Variants in RIMS1 observed in about 807,000 individuals in gnomAD.
The protein encoded by RIMS1 is regulating synaptic membrane exocytosis protein 1.
A neutral mutation model predicts 214.1 loss-of-function variants in RIMS1; 83 were observed. The observed-to-expected ratio is 0.39, with a 90% CI of 0.32 to 0.47. The LOEUF is 0.47. RIMS1 is among the 20% of genes least tolerant of loss of function. The pLI, the probability that RIMS1 is intolerant of heterozygous loss-of-function variation, is 0.99. For synonymous variants in RIMS1, 793 were observed against 786.8 expected (o/e 1.01, Z -0.13); for missense variants, 2,050 against 2,161.8 (o/e 0.95, Z 1.03).
chr6:72,171,353 T>G (rs1228777992), intron 4 of RIMS1, among the ~76,000 whole-genome samples: 1 of 150,638 alleles, frequency 6.6e-6, no homozygotes, highest in African/African-American at 2.4e-5. Context: ...ATTACGTGTG[T>G]GTGTGTATAT....
chr6:72,299,747 A>G (rs2094442144), intron 26 of RIMS1, among the ~76,000 whole-genome samples: 1 of 151,912 alleles, frequency 6.6e-6, no homozygotes, highest in Non-Finnish European at 1.5e-5. Context: ...AATTAAGCAC[A>G]TTTCAATAGC....
At chr6:72,312,033 TATTAAATAA>T (rs1346990365) in intron 27 of RIMS1, among the ~76,000 whole-genome samples, 1 of 152,208 alleles carries the variant, frequency 6.6e-6, no homozygotes, top group Non-Finnish European at 1.5e-5. Flanking sequence ...TGTAAGAAAT[TATTAAATAA>T]ACATGAGACC....
chr6:71,973,114 T>C (rs992544334), intron 2 of RIMS1, among the ~76,000 whole-genome samples: 4 of 152,220 alleles, frequency 2.6e-5, no homozygotes, highest in Non-Finnish European at 5.9e-5. Context: ...TTCACCATGT[T>C]GGTCAGGCTG....
chr6:72,303,910 C>T (rs1174752702), intron 26 of RIMS1, among the ~76,000 whole-genome samples: 1 of 151,500 alleles, frequency 6.6e-6, no homozygotes, highest in East Asian at 1.9e-4. Context: ...AAGATACATA[C>T]ATTTTGATCT....
chr6:72,183,968 A>G (rs1239111258), intron 6 of RIMS1, among the ~76,000 whole-genome samples: 2 of 152,210 alleles, frequency 1.3e-5, no homozygotes, highest in Non-Finnish European at 2.9e-5. Context: ...AACATGCGGT[A>G]TTAAATCATA....
Position 72,016,895 on chromosome 6 carries a change from A to G in RIMS1, c.245+47832A>G, listed in dbSNP as rs185645226. Among the ~76,000 whole-genome samples the G allele has an allele frequency of 9.4e-4, 143 of 152,312 alleles. 1 individual carries two copies. The highest frequency in any genetic ancestry group is 3.4e-3 in the African/African-American group (142 of 41,580). ...CTGGGTAGTCAGTTTGTGAGTATGTACCATTGACATGGGACCCTGGCAATT... is the reference window on the plus strand; with the variant it reads ...CTGGGTAGTCAGTTTGTGAGTATGTGCCATTGACATGGGACCCTGGCAATT... On this transcript the variant is annotated intron_variant, in intron 2 of 33. Transcript: ENST00000521978.
intron 28 of RIMS1, 117 bp downstream of exon 28, chr6:72,313,789 A>T: frequency 1.0e-6 from 1 of 991,848 alleles, no homozygotes; most frequent in Non-Finnish European, 1.5e-6. Context: ...TTAAGTATTT[A>T]TCGACTACTA....
chr6:71,936,550 A>G (rs1053197975), intron 1 of RIMS1, among the ~76,000 whole-genome samples: 14 of 152,148 alleles, frequency 9.2e-5, no homozygotes, highest in African/African-American at 2.4e-4. Context: ...GGAAATAGTA[A>G]TTTAGAACAA....
intron 2 of RIMS1, among the ~76,000 whole-genome samples, chr6:72,093,682 C>T (rs962555731): frequency 5.9e-5 from 9 of 151,794 alleles, no homozygotes; most frequent in Admixed American, 1.3e-4. Context: ...CCATGTCATA[C>T]TGTAATATTT....
intron 29 of RIMS1, among the ~76,000 whole-genome samples, chr6:72,340,735 CT>C (rs1274105590): frequency 2.0e-5 from 3 of 151,996 alleles, no homozygotes; most frequent in Non-Finnish European, 4.4e-5. Flanking sequence ...CAGCTTTGTT[CT>C]TTTGGCTTAG....
chr6:72,190,186 G>A (rs2049828429), intron 6 of RIMS1, among the ~76,000 whole-genome samples: 1 of 152,100 alleles, frequency 6.6e-6, no homozygotes, highest in Non-Finnish European at 1.5e-5. Flanking sequence ...GTAGTAGGCT[G>A]GGGAAGCTGG....
At chr6:72,275,999 GC>G (rs1226723974) in intron 23 of RIMS1, among the ~76,000 whole-genome samples, 1 of 152,188 alleles carries the variant, frequency 6.6e-6, no homozygotes, top group Non-Finnish European at 1.5e-5. Context: ...GATTACTTGA[GC>G]CCAGGAGTTT....
At chr6:72,268,326 C>T (rs1380599013) in intron 22 of RIMS1, among the ~76,000 whole-genome samples, 3 of 152,062 alleles carry the variant, frequency 2.0e-5, no homozygotes, top group Non-Finnish European at 2.9e-5. Context: ...TCTAATTTAC[C>T]GCAGGGATTA....
chr6:71,954,620 A>G (rs1235733217), intron 1 of RIMS1, among the ~76,000 whole-genome samples: 1 of 151,968 alleles, frequency 6.6e-6, no homozygotes, highest in East Asian at 1.9e-4. Flanking sequence ...ATTAAATTAT[A>G]TTCTACTGGC....
intron 22 of RIMS1, among the ~76,000 whole-genome samples, chr6:72,267,583 G>A (rs980754341): frequency 6.6e-6 from 1 of 152,042 alleles, no homozygotes; most frequent in African/African-American, 2.4e-5. Flanking sequence ...ATAAGCCATA[G>A]ATACTAAAGA....
At chr6:72,378,224 A>G (rs966867270) in intron 29 of RIMS1, among the ~76,000 whole-genome samples, 1 of 152,154 alleles carries the variant, frequency 6.6e-6, no homozygotes, top group Admixed American at 6.6e-5. Flanking sequence ...GGTTTTCTCA[A>G]GAATTGCTGC....
intron 1 of RIMS1, among the ~76,000 whole-genome samples, chr6:71,915,138 T>A (rs9446507): frequency 0.14 from 20,961 of 152,148 alleles, 1,543 homozygotes; most frequent in South Asian, 0.29. Context: ...GTGGGTATTA[T>A]TCAATGTTTT....
chr6:72,396,183 A>T (rs376932646), intron 31 of RIMS1, among the ~76,000 whole-genome samples: 1 of 152,158 alleles, frequency 6.6e-6, no homozygotes, highest in African/African-American at 2.4e-5. Flanking sequence ...ATCCAAAAAA[A>T]TGTTTGATAA....
intron 29 of RIMS1, among the ~76,000 whole-genome samples, chr6:72,362,443 T>A (rs534865649): frequency 6.6e-6 from 1 of 152,170 alleles, no homozygotes; most frequent in Non-Finnish European, 1.5e-5. Flanking sequence ...GTCGGAATTT[T>A]GTGGAAAGCC....
Sources: gnomAD v4.1 joint callset for allele counts (sites outside exome capture counted in the v4.1 genomes callset) on GRCh38, gnomAD v4.1.1 for gene constraint, MANE v1.5 for transcripts, NCBI Gene and HGNC (gene_info 2026-07-23, HGNC 2026-07-21) for gene names.